The following ZNF568 variants were observed in gnomAD, a reference collection of about 807,000 sequenced individuals.
ZNF568 encodes the protein zinc finger protein 568.
A neutral mutation model predicts 18.1 loss-of-function variants in ZNF568; 11 were observed. The observed-to-expected ratio is 0.61, with a 90% confidence interval of 0.38 to 1.00. The LOEUF is 1.00. Among genes scored for constraint, ZNF568 ranks in the 50% least tolerant of loss-of-function variants. The pLI is 0.01. For synonymous variants in ZNF568, 213 were observed against 246.6 expected, an observed-to-expected ratio of 0.86 and a Z score of 1.28; for missense variants, 639 against 768.2, an observed-to-expected ratio of 0.83 and a Z score of 1.99.
chr19:36,926,812 A>T (rs932740657), intron 4 of ZNF568, among the ~76,000 whole-genome samples: 2 of 147,860 alleles, frequency 1.4e-5, no homozygotes, highest in South Asian at 2.2e-4. Flanking sequence ...TATTATTTAA[A>T]TTTTTTAAGA....
intron 6 of ZNF568, among the ~76,000 whole-genome samples, chr19:36,967,202 A>C (rs924527373): frequency 6.6e-6 from 1 of 152,198 alleles, no homozygotes; most frequent in African/African-American, 2.4e-5. Context: ...GGCCTTTTAG[A>C]GTCCTCCTCA....
intron 6 of ZNF568, among the ~76,000 whole-genome samples, chr19:36,963,393 G>A (rs555080150): frequency 1.3e-5 from 2 of 152,278 alleles, no homozygotes; most frequent in South Asian, 4.1e-4. Context: ...GCAGCACTAG[G>A]CTTTGGGCAG....
intron 2 of ZNF568, chr19:36,991,115 A>G: frequency 6.7e-7 from 1 of 1,482,280 alleles, no homozygotes; most frequent in Non-Finnish European, 9.0e-7. Context: ...ATTTTCTTTT[A>G]TGTTGTCTTA....
intron 1 of ZNF568, among the ~76,000 whole-genome samples, chr19:36,917,188 G>GCGTGA (rs1394082430): frequency 6.6e-6 from 1 of 152,196 alleles, no homozygotes; most frequent in Non-Finnish European, 1.5e-5. Context: ...TGGATAGGCT[G>GCGTGA]CGTGACGAGT....
intron 2 of ZNF568, among the ~76,000 whole-genome samples, chr19:36,921,020 C>T (rs2073444710): frequency 6.6e-6 from 1 of 152,168 alleles, no homozygotes; most frequent in South Asian, 2.1e-4. Flanking sequence ...TACCATATAG[C>T]ATAGGTGGGT....
chr19:36,996,813 A>G (rs1251866365), exon 5 of ZNF568: 4 of 1,550,764 alleles, frequency 2.6e-6, no homozygotes, highest in Non-Finnish European at 3.5e-6. Flanking sequence ...AATGTGGGAA[A>G]GCCTTTCGTT....
chr19:36,919,928 T>C (rs1471232341), intron 2 of ZNF568, among the ~76,000 whole-genome samples: 1 of 152,186 alleles, frequency 6.6e-6, no homozygotes, highest in Non-Finnish European at 1.5e-5. Context: ...ATGTTACTGG[T>C]TCATGTGCCT....
At chr19:36,985,608 C>T (rs1365894623) in intron 2 of ZNF568, among the ~76,000 whole-genome samples, 1 of 152,146 alleles carries the variant, frequency 6.6e-6, no homozygotes, top group Non-Finnish European at 1.5e-5. Context: ...CTGCAGCCTC[C>T]ACCTCCCAGG....
At chr19:36,968,086 G>C (rs1292574325) in intron 6 of ZNF568, among the ~76,000 whole-genome samples, 1 of 152,052 alleles carries the variant, frequency 6.6e-6, no homozygotes, top group Non-Finnish European at 1.5e-5. Flanking sequence ...ATATAACATG[G>C]ATCAGTTATC....
At chr19:36,956,029 T>TAAGG (rs1168062131), downstream of ZNF568, among the ~76,000 whole-genome samples, 1 of 152,144 alleles carries the variant, frequency 6.6e-6, no homozygotes, top group Non-Finnish European at 1.5e-5. Context: ...AGTGATTTAT[T>TAAGG]AAGGAAGTGC....
At position 36,950,006 on chromosome 19, in the gene ZNF568, A is replaced by G. The variant is rs1277137908; in HGVS notation, c.853A>G (p.Lys285Glu). The change falls in exon 7 of 7, where the codon AAA becomes GAA. Residue 285 changes from lysine (K) to glutamate (E), a missense_variant. Coordinates refer to ENST00000333987, the MANE Select transcript of ZNF568 (RefSeq NM_198539.4). ...EKPYKCNECGKAFIQMSNLIR... is the reference protein window; with the variant it reads ...EKPYKCNECGEAFIQMSNLIR... ...ACCGTATAAGTGTAATGAATGTGGA[A>G]AAGCTTTCATTCAGATGTCAAACCT... 6.2e-7 allele frequency: 1 copy of G among 1,613,972 alleles called. No homozygotes were observed. Among genetic ancestry groups the G allele is most frequent in the Admixed American group, 1.7e-5 (1 of 60,018 alleles).
At chr19:36,988,438 C>T (rs1644674) in intron 2 of ZNF568, among the ~76,000 whole-genome samples, 81,106 of 151,988 alleles carry the variant, frequency 0.53, 22,176 homozygotes, top group African/African-American at 0.62. Context: ...TGGGGGTGCT[C>T]AGGAAACTTA....
intron 4 of ZNF568, chr19:36,931,638 G>T (rs770218028): frequency 2.6e-5 from 4 of 152,196 alleles, no homozygotes; most frequent in Admixed American, 2.6e-4. Context: ...AAAGTGCTAC[G>T]ATTATAGGTG....
chr19:36,930,383 G>C (rs1381654944), intron 4 of ZNF568, among the ~76,000 whole-genome samples: 1 of 151,804 alleles, frequency 6.6e-6, no homozygotes, highest in Non-Finnish European at 1.5e-5. Context: ...CTAATTTTTT[G>C]TATCTTTAGT....
intron 7 of ZNF568, among the ~76,000 whole-genome samples, chr19:36,977,257 A>G (rs1204637152): frequency 6.6e-6 from 1 of 152,174 alleles, no homozygotes; most frequent in Non-Finnish European, 1.5e-5. Context: ...CAAACAATCT[A>G]GTCTTTAAGG....
At chr19:36,927,681 T>G (rs1221575149) in intron 4 of ZNF568, among the ~76,000 whole-genome samples, 1 of 151,168 alleles carries the variant, frequency 6.6e-6, no homozygotes, top group Non-Finnish European at 1.5e-5. Context: ...TCAGCTACTT[T>G]GGGACCTCTG....
chr19:36,968,082 C>A (rs370409968), intron 6 of ZNF568, among the ~76,000 whole-genome samples: 1 of 152,122 alleles, frequency 6.6e-6, no homozygotes, highest in Non-Finnish European at 1.5e-5. Flanking sequence ...AAGCATATAA[C>A]ATGGATCAGT....
At chr19:36,989,876 G>A (rs192013045) in intron 2 of ZNF568, among the ~76,000 whole-genome samples, 4 of 152,250 alleles carry the variant, frequency 2.6e-5, no homozygotes, top group African/African-American at 7.2e-5. Flanking sequence ...TTCTTCCACC[G>A]AGAGTACTGA....
intron 7 of ZNF568, among the ~76,000 whole-genome samples, chr19:36,975,051 T>TC (rs1360947919): frequency 1.3e-5 from 2 of 151,348 alleles, no homozygotes; most frequent in Admixed American, 1.3e-4. Context: ...GATCTCGAAC[T>TC]CCTTAACTCA....
Sources: allele counts gnomAD v4.1 joint callset (sites outside exome capture counted in the v4.1 genomes callset), GRCh38; gene constraint gnomAD v4.1.1; transcripts MANE v1.5; gene names NCBI Gene and HGNC (gene_info 2026-07-23, HGNC 2026-07-21).